Variants in RLF observed in about 807,000 individuals in gnomAD.
RLF encodes RLF zinc finger.
In RLF, 7 loss-of-function variants were observed where a neutral mutation model predicts 162.9. The ratio of observed to expected loss-of-function variants is 0.04; its 90% CI spans 0.02 to 0.08. The LOEUF is 0.08. Among genes scored for constraint, RLF ranks in the 10% least tolerant of loss-of-function variants. The pLI, the probability that RLF is intolerant of heterozygous loss-of-function variation, is 1.00. For synonymous variants in RLF, 782 were observed against 791.5 expected (o/e 0.99, Z 0.20); for missense variants, 1,664 against 2,244.7 (o/e 0.74, Z 5.23).
At chr1:40,173,869 T>C (rs958931600) in intron 1 of RLF, among the ~76,000 whole-genome samples, 1 of 152,128 alleles carries the variant, frequency 6.6e-6, no homozygotes, top group Non-Finnish European at 1.5e-5. Context: ...AAGCGGAACA[T>C]GTCCAAAGAA....
In RLF at chr1:40,161,639, G is replaced by A; in HGVS notation, c.237+3G>A. The A allele has an allele frequency of 1.9e-6, 3 of 1,610,992 alleles. No homozygotes were observed. Among genetic ancestry groups the A allele is most frequent in the Non-Finnish European group, 2.5e-6 (3 of 1,178,898 alleles). ...ACTACTGCCGGAGCTTCTGCCAGGTGAGGGGCTGACTGGCTGGCTGAGGGC... is the reference window on the plus strand; with the variant it reads ...ACTACTGCCGGAGCTTCTGCCAGGTAAGGGGCTGACTGGCTGGCTGAGGGC... On this transcript the variant is annotated splice_donor_region_variant and intron_variant, in intron 1 of 7. Coordinates refer to ENST00000372771, the MANE Select transcript of RLF (RefSeq NM_012421.4). This position sits in a 1 kb window ranked among gnomAD's most constrained non-coding sequence, Gnocchi z 4.4.
At chr1:40,210,621 G>A (rs1277328642) in intron 5 of RLF, among the ~76,000 whole-genome samples, 1 of 152,176 alleles carries the variant, frequency 6.6e-6, no homozygotes, top group Non-Finnish European at 1.5e-5. Context: ...TGTCTGAAGT[G>A]GTGTTTTAGG....
chr1:40,231,418 A>T, intron 6 of RLF, 99 bp from the exon 7 acceptor site: 1 of 975,006 alleles, frequency 1.0e-6, no homozygotes, highest in Non-Finnish European at 1.5e-6. Context: ...TGTTTTCTCT[A>T]CTGTCAGCTT....
intron 4 of RLF, among the ~76,000 whole-genome samples, chr1:40,196,332 A>C (rs1056040080): frequency 2.0e-5 from 3 of 152,138 alleles, no homozygotes; most frequent in African/African-American, 7.2e-5. Flanking sequence ...TTGGCCTCCT[A>C]AAGTGCTGGG....
chr1:40,202,442 C>A lies in RLF; in HGVS notation c.638C>A (p.Ser213Tyr). ...AAATTGATTGCACAAGAAGGACCTT[C>A]CTTTCTGCAAATGCGAATAAAACAT... ...VNKLIAQEGP[S>Y]FLQMRIKHLL... The change falls in exon 5 of 8, where the codon TCC (serine) becomes TAC (tyrosine). Residue 213 changes from serine (S) to tyrosine (Y), a missense_variant. By Grantham distance (144) the Ser-to-Tyr change is moderately radical. This residue lies in a region of RLF where 287 missense variants were observed against 404.9 expected (regional missense o/e 0.71). Coordinates refer to ENST00000372771, the MANE Select transcript of RLF (RefSeq NM_012421.4). The A allele has an allele frequency of 1.3e-6, 2 of 1,577,344 alleles. No homozygotes were observed. The highest frequency in any genetic ancestry group is 1.7e-6 in the Non-Finnish European group (2 of 1,168,958).
rs1391576121 is a variant in RLF at position 40,189,165 on chromosome 1, T to C, written c.348T>C (p.Thr116=). The change falls in exon 2 of 8, where the codon ACT becomes ACC. Residue 116 remains threonine, a synonymous_variant. Transcript: ENST00000372771. ...TTGCCAGTGCACGTCCATACTTAAC[T>C]ACTGAATGTGAAGATGTCCTCTTAG... ...QSFASARPYL[T]TECEDVLLVL... 11 of 1,613,998 alleles carry C rather than the reference T, an allele frequency of 6.8e-6. No homozygotes were observed. Among genetic ancestry groups the C allele is most frequent in the Non-Finnish European group, 9.3e-6 (11 of 1,179,858 alleles).
intron 5 of RLF, among the ~76,000 whole-genome samples, chr1:40,212,268 A>G (rs1038133626): frequency 2.0e-5 from 3 of 152,238 alleles, no homozygotes; most frequent in African/African-American, 7.2e-5. Context: ...TGACTGGGTC[A>G]TCTGAAAGTC....
intron 5 of RLF, among the ~76,000 whole-genome samples, chr1:40,221,914 AAAAAG>A (rs1197160978): frequency 1.3e-5 from 2 of 151,312 alleles, no homozygotes; most frequent in Admixed American, 1.3e-4. Flanking sequence ...AAAAAAAAAA[AAAAAG>A]AGAAAGGAAA....
At chr1:40,181,292 T>A (rs1334754924) in intron 1 of RLF, among the ~76,000 whole-genome samples, 1 of 152,046 alleles carries the variant, frequency 6.6e-6, no homozygotes, top group East Asian at 1.9e-4. Context: ...TAGCCAGGTG[T>A]GGTGGCTCAT....
chr1:40,185,543 A>AT (rs1557742330), intron 1 of RLF, among the ~76,000 whole-genome samples: 2 of 126,594 alleles, frequency 1.6e-5, no homozygotes, highest in Non-Finnish European at 3.3e-5. Context: ...AAAAAAAAAA[A>AT]GCCGGGCGCA....
rs759393733 is a variant in RLF at position 40,214,942 on chromosome 1, A to AAAG, written c.811-7630_811-7629insGAA. On this transcript the variant is annotated intron_variant, in intron 5 of 7. Coordinates refer to ENST00000372771, the MANE Select transcript of RLF (RefSeq NM_012421.4). ...TCAAAAAAAAAAAAAAAAAAAAAAA[A>AAAG]AAACTAAAGTATGAGAACAATGTCT... Among the ~76,000 whole-genome samples, 720 of 147,596 alleles carry AAAG rather than the reference A, an allele frequency of 4.9e-3. 15 individuals carry two copies. The highest frequency in any genetic ancestry group is 9.3e-3 in the Non-Finnish European group (611 of 65,658).
chr1:40,206,465 A>AGGCATTG (rs1296758373), intron 5 of RLF, among the ~76,000 whole-genome samples: 4 of 152,202 alleles, frequency 2.6e-5, no homozygotes, highest in Non-Finnish European at 4.4e-5. Flanking sequence ...ATGCTGTGTT[A>AGGCATTG]GGCATTGGGG....
chr1:40,211,316 A>G (rs1642861706), intron 5 of RLF, among the ~76,000 whole-genome samples: 1 of 152,198 alleles, frequency 6.6e-6, no homozygotes, highest in Non-Finnish European at 1.5e-5. Context: ...CATTAAGCTA[A>G]TTAGAAAGGC....
intron 4 of RLF, among the ~76,000 whole-genome samples, chr1:40,200,378 CAT>C (rs970221384): frequency 4.6e-5 from 7 of 151,820 alleles, no homozygotes; most frequent in Middle Eastern, 3.2e-3. Context: ...GATTTATTCA[CAT>C]GTTTCAGATT....
chr1:40,234,916 G>T (rs187819423), intron 7 of RLF, among the ~76,000 whole-genome samples: 6 of 152,030 alleles, frequency 3.9e-5, no homozygotes, highest in African/African-American at 1.4e-4. Flanking sequence ...TCTGATTTCT[G>T]TTTTTTCCCT....
intron 1 of RLF, among the ~76,000 whole-genome samples, chr1:40,163,784 CTT>C (rs1409346330): frequency 6.6e-6 from 1 of 152,136 alleles, no homozygotes; most frequent in East Asian, 1.9e-4. Context: ...GCAAAACTAT[CTT>C]ATTTTCTGAC....
At chr1:40,187,350 A>C (rs569351065) in intron 1 of RLF, among the ~76,000 whole-genome samples, 13 of 152,286 alleles carry the variant, frequency 8.5e-5, no homozygotes, top group Admixed American at 2.0e-4. Flanking sequence ...AATTAGGTGA[A>C]ATCTTAGTTA....
chr1:40,179,912 A>G (rs532931886), intron 1 of RLF, among the ~76,000 whole-genome samples: 1 of 152,182 alleles, frequency 6.6e-6, no homozygotes, highest in Non-Finnish European at 1.5e-5. Flanking sequence ...ATCATGTTGT[A>G]TCATGTCAGA....
At position 40,237,672 on chromosome 1, in the gene RLF, G is replaced by T. The variant is rs549341072; in HGVS notation, c.2970G>T (p.Thr990=). 1 of 1,614,084 alleles carries T rather than the reference G, an allele frequency of 6.2e-7. No homozygotes were observed. Among genetic ancestry groups the T allele is most frequent in the Non-Finnish European group, 8.5e-7 (1 of 1,179,988 alleles). The change falls in exon 8 of 8, where the codon ACG becomes ACT. Residue 990 remains threonine, a synonymous_variant. Coordinates refer to ENST00000372771, the MANE Select transcript of RLF (RefSeq NM_012421.4). This position sits in a 1 kb window ranked among gnomAD's most constrained non-coding sequence, Gnocchi z 4.4. ...ATTTCAAGCCCAAAAAGATAAAGAC[G>T]AAAGATCTGTTTCCCTCTTTGGGTA... ...PYHFKPKKIK[T]KDLFPSLGNE...
Sources: allele counts gnomAD v4.1 joint callset (sites outside exome capture counted in the v4.1 genomes callset), GRCh38; gene constraint gnomAD v4.1.1; regional missense constraint gnomAD v4.1.1; non-coding constraint Gnocchi (gnomAD v3.1); transcripts MANE v1.5; gene names NCBI Gene and HGNC (gene_info 2026-07-23, HGNC 2026-07-21).